DYNC1H1: variants seen among roughly 807,000 people sequenced by gnomAD.
The protein encoded by DYNC1H1 is dynein cytoplasmic 1 heavy chain 1, also known as cytoplasmic dynein 1 heavy chain 1.
A neutral mutation model predicts 527.1 loss-of-function variants in DYNC1H1; 51 were observed. That is an observed-to-expected ratio of 0.10 (90% CI 0.08 to 0.12). The LOEUF is 0.12. Among genes scored for constraint, DYNC1H1 ranks in the 10% least tolerant of loss-of-function variants. DYNC1H1 has a pLI of 1.00. For synonymous variants in DYNC1H1, 2,189 were observed against 2,278.8 expected (o/e 0.96, Z 1.12); for missense variants, 2,771 against 5,971.8 (o/e 0.46, Z 17.66).
At chr14:101,994,039 TG>T in intron 11 of DYNC1H1, 144 bp from the exon 12 acceptor site, 1 of 1,095,760 alleles carries the variant, frequency 9.1e-7, no homozygotes. Flanking sequence ...TGGTTACTTG[TG>T]GCCAGGGTAA....
At chr14:102,019,843 C>G in intron 41 of DYNC1H1, 50 bp from the exon 42 acceptor site, 1 of 1,611,292 alleles carries the variant, frequency 6.2e-7, no homozygotes, top group Non-Finnish European at 8.5e-7. Flanking sequence ...GACCACTTCT[C>G]TGTGTCTTAA....
chr14:101,996,903 A>G, intron 15 of DYNC1H1, 132 bp from the exon 16 acceptor site: 1 of 1,336,190 alleles, frequency 7.5e-7, no homozygotes, highest in South Asian at 1.4e-5. Context: ...GATTACAGGC[A>G]AGAACCACTG....
rs1162297597 is a variant in DYNC1H1, at chr14:102,044,503, C to T, written c.12902+12C>T. ...CCAGATGGCATCAGGTATGCTGCTG[C>T]CTGCTGGAATGGAGACAGTTGTGAT... On this transcript the variant is annotated intron_variant, in intron 71 of 77. Transcript: ENST00000360184. The surrounding 1 kb of genome is among the most constrained non-coding windows in gnomAD (Gnocchi z 7.1). 2 of 1,614,176 alleles carry T rather than the reference C, an allele frequency of 1.2e-6. No individual in the cohort carries two copies. Among genetic ancestry groups the T allele is most frequent in the Non-Finnish European group, 1.7e-6 (2 of 1,180,040 alleles).
chr14:102,007,169 A>G (rs1473921906), intron 28 of DYNC1H1, 61 bp downstream of exon 28: 3 of 1,564,786 alleles, frequency 1.9e-6, no homozygotes, highest in African/African-American at 2.7e-5. Context: ...TTTGGGGAAT[A>G]TCAAGCTCCG....
intron 14 of DYNC1H1, 22 bp from the exon 15 acceptor site, chr14:101,995,159 A>G: frequency 6.2e-7 from 1 of 1,614,196 alleles, no homozygotes; most frequent in Non-Finnish European, 8.5e-7. Flanking sequence ...CTGTGATGAA[A>G]TACTCCCCTC....
In DYNC1H1 at chr14:101,997,037, C is replaced by T. The variant is rs768408452; in HGVS notation, c.3567C>T (p.Leu1189=). Residue 1189 remains leucine, a splice_region_variant and synonymous_variant, in exon 16 of 78, where the codon CTC becomes CTT. Coordinates refer to ENST00000360184, the MANE Select transcript of DYNC1H1 (RefSeq NM_001376.5). This position sits in a 1 kb window ranked among gnomAD's most constrained non-coding sequence, Gnocchi z 4.8. ...KIKQFEKQVE[L]YRNGQRLLEK... is the part of the protein sequence containing the mutation. ...GATTTATTTTTTAACTCTCAAAGCT[C>T]TACCGCAATGGCCAGCGCTTACTGG... The T allele has an allele frequency of 6.2e-7, 1 of 1,613,960 alleles. No individual in the cohort carries two copies.
At position 102,050,519 on chromosome 14, in the gene DYNC1H1, C is replaced by T. The variant is rs1595638424; in HGVS notation, c.13897C>T (p.Arg4633Cys). 5 of 1,614,238 alleles carry T rather than the reference C, an allele frequency of 3.1e-6. No individual in the cohort carries two copies. The highest frequency in any genetic ancestry group is 1.1e-5 in the South Asian group (1 of 91,082). Residue 4633 changes from arginine to cysteine, a missense_variant, in exon 78 of 78, where the codon CGC (arginine) becomes TGC (cysteine). Around this residue, in one of 32 missense-constraint regions of DYNC1H1, gnomAD observed 106 missense variants for 139.2 expected, o/e 0.76. Transcript: ENST00000360184. The stretch of plus-strand genomic sequence containing the variant: ...CGAAATTGCTACAAAGGAGGATCCT[C>T]GCAGCTTCTACGAGCGGGGTGTCGC... The part of the protein sequence containing the change: ...DFEIATKEDP[R>C]SFYERGVAVL...
intron 29 of DYNC1H1, 99 bp downstream of exon 29, chr14:102,008,436 T>G (rs2048221855): frequency 6.7e-7 from 1 of 1,484,898 alleles, no homozygotes; most frequent in Admixed American, 1.9e-5. Flanking sequence ...AGCAAGAATT[T>G]AGCTCACAGG....
intron 41 of DYNC1H1, among the ~76,000 whole-genome samples, chr14:102,019,034 C>T (rs988895893): frequency 1.3e-5 from 2 of 152,194 alleles, no homozygotes; most frequent in African/African-American, 4.8e-5. Context: ...CAAGGTCTGT[C>T]ATCAAAGTCA....
In DYNC1H1 at chr14:102,036,707, C is replaced by T; in HGVS notation, c.10908+65C>T. 7.5e-6 allele frequency: 12 copies of T among 1,603,034 alleles called. No individual in the cohort carries two copies. Among genetic ancestry groups the T allele is most frequent in the Non-Finnish European group, 1.0e-5 (12 of 1,171,698 alleles). ...AGAGTGAATTCCTTTTTGGGGGCTGCCTTTAGTTTTCAACTTTGTAAGACT... is the reference window on the plus strand; with the variant it reads ...AGAGTGAATTCCTTTTTGGGGGCTGTCTTTAGTTTTCAACTTTGTAAGACT... On this transcript the variant is annotated intron_variant, in intron 57 of 77. Coordinates refer to ENST00000360184, the MANE Select transcript of DYNC1H1 (RefSeq NM_001376.5). This position sits in a 1 kb window ranked among gnomAD's most constrained non-coding sequence, Gnocchi z 5.6.
At chr14:102,013,967 G>A (rs2048290584) in intron 34 of DYNC1H1, among the ~76,000 whole-genome samples, 1 of 152,190 alleles carries the variant, frequency 6.6e-6, no homozygotes, top group South Asian at 2.1e-4. Context: ...ATCAGCTTAT[G>A]AGCCTTTAAC....
intron 43 of DYNC1H1, among the ~76,000 whole-genome samples, chr14:102,024,852 G>A (rs1430659770): frequency 1.3e-5 from 2 of 151,138 alleles, no homozygotes; most frequent in African/African-American, 2.4e-5. Context: ...CCGCCACCAC[G>A]CCCAGCTAAT....
Position 101,983,312 on chromosome 14 carries a change from A to C in DYNC1H1, c.1233+22A>C, listed in dbSNP as rs777816008. The C allele has an allele frequency of 3.7e-6, 6 of 1,613,970 alleles. No individual in the cohort carries two copies. Among genetic ancestry groups the C allele is most frequent in the Non-Finnish European group, 5.1e-6 (6 of 1,179,920 alleles). ...AAAAGTAAGTTTGAATATATAAGAC[A>C]ACCAACCTCAAGACATTGAGATGAA... On this transcript the variant is annotated intron_variant, in intron 6 of 77. Transcript: ENST00000360184. The surrounding 1 kb of genome is among the most constrained non-coding windows in gnomAD (Gnocchi z 5.3).
rs186169554 is a variant in DYNC1H1 at position 102,034,462 on chromosome 14, C to T, written c.10754+10C>T. 10 of 1,612,392 alleles carry T rather than the reference C, an allele frequency of 6.2e-6. No homozygotes were observed. Among genetic ancestry groups the T allele is most frequent in the Admixed American group, 5.0e-5 (3 of 60,002 alleles). On this transcript the variant is annotated intron_variant, in intron 56 of 77. Transcript: ENST00000360184. ...TGAAACGATTCAATAGGTATGAGCT[C>T]GGGTGCCAAGGAGAGGCATGGGAGG...
At chr14:102,008,886 T>C (rs964084628) in intron 29 of DYNC1H1, among the ~76,000 whole-genome samples, 1 of 152,222 alleles carries the variant, frequency 6.6e-6, no homozygotes, top group Non-Finnish European at 1.5e-5. Flanking sequence ...ACCAAAAACC[T>C]GAGCAGTCCT....
chr14:102,040,194 T>C, intron 62 of DYNC1H1, 42 bp from the exon 63 acceptor site: 1 of 1,611,940 alleles, frequency 6.2e-7, no homozygotes, highest in Non-Finnish European at 8.5e-7. Context: ...ACAGTGGGAG[T>C]GAACGTGAGA....
At chr14:101,992,599 G>C (rs2048010186) in intron 11 of DYNC1H1, among the ~76,000 whole-genome samples, 1 of 152,032 alleles carries the variant, frequency 6.6e-6, no homozygotes, top group African/African-American at 2.4e-5. Context: ...CTCTCTTCTG[G>C]GTCTTCTTTC....
In DYNC1H1 at chr14:101,964,777, T is replaced by C; in HGVS notation, c.86T>C (p.Val29Ala). 3 of 1,600,550 alleles carry C rather than the reference T, an allele frequency of 1.9e-6. No homozygotes were observed. Among genetic ancestry groups the C allele is most frequent in the Non-Finnish European group, 2.6e-6 (3 of 1,176,278 alleles). The change falls in exon 1 of 78, where the codon GTG (valine) becomes GCG (alanine). Residue 29 changes from valine to alanine, a missense_variant. By Grantham distance (64) the Val-to-Ala change is moderately conservative. Transcript: ENST00000360184. This position sits in a 1 kb window ranked among gnomAD's most constrained non-coding sequence, Gnocchi z 5.5. ...SAVQNVADVSVLQKHLRKLVP... is the reference protein window; with the variant it reads ...SAVQNVADVSALQKHLRKLVP... Reference sequence around the variant, plus strand: ...GTGCAGAATGTGGCGGACGTGTCGGTGCTGCAGAAGCACCTGCGCAAGCTG... The same window carrying C: ...GTGCAGAATGTGGCGGACGTGTCGGCGCTGCAGAAGCACCTGCGCAAGCTG...
chr14:102,004,663 T>A lies in DYNC1H1; in HGVS notation c.5029T>A (p.Ser1677Thr). ...NEDNSVVLGISSREGEEVMFK... is the reference protein window; with the variant it reads ...NEDNSVVLGITSREGEEVMFK... ...GGATAACTCTGTTGTTTTGGGTATT[T>A]CATCTCGGGAAGGAGAGGAGGTAAA... Residue 1677 changes from serine to threonine, a missense_variant, in exon 24 of 78, where the codon TCA becomes ACA. Ser to Thr is a moderately conservative substitution (Grantham distance 58). Around this residue, in one of 32 missense-constraint regions of DYNC1H1, gnomAD observed 105 missense variants for 138.1 expected, o/e 0.76. Coordinates refer to ENST00000360184, the MANE Select transcript of DYNC1H1 (RefSeq NM_001376.5). 1 of 1,614,224 alleles carries A rather than the reference T, an allele frequency of 6.2e-7. No homozygotes were observed. The highest frequency in any genetic ancestry group is 8.5e-7 in the Non-Finnish European group (1 of 1,180,042).
Sources: allele counts gnomAD v4.1 joint callset (sites outside exome capture counted in the v4.1 genomes callset), GRCh38; gene constraint gnomAD v4.1.1; regional missense constraint gnomAD v4.1.1; non-coding constraint Gnocchi (gnomAD v3.1); transcripts MANE v1.5; gene names NCBI Gene and HGNC (gene_info 2026-07-23, HGNC 2026-07-21).